DTNA: variants seen among roughly 807,000 people sequenced by gnomAD.
DTNA encodes dystrobrevin alpha.
In DTNA, 43 loss-of-function variants were observed where a neutral mutation model predicts 100.7. That is an observed-to-expected ratio of 0.43 (90% CI 0.33 to 0.55). The LOEUF (loss-of-function observed/expected upper bound fraction) is 0.55, where lower values mean the gene tolerates loss of function less well. Ranked by LOEUF, DTNA falls within the 20% of genes least tolerant of loss-of-function variation. The pLI, the probability that DTNA is intolerant of heterozygous loss-of-function variation, is 0.04. For synonymous variants in DTNA, 349 were observed against 347.9 expected, an observed-to-expected ratio of 1.00 and a Z score of -0.04; for missense variants, 798 against 953.9, an observed-to-expected ratio of 0.84 and a Z score of 2.15.
chr18:34,739,484 A>G (rs2090228951), intron 1 of DTNA, among the ~76,000 whole-genome samples: 1 of 152,204 alleles, frequency 6.6e-6, no homozygotes, highest in African/African-American at 2.4e-5. Context: ...AAACATTTCC[A>G]GACAGATGTG....
Position 34,866,989 on chromosome 18 carries a change from A to AC in DTNA, c.1743+2927_1743+2928insC. On this transcript the variant is annotated intron_variant, in intron 17 of 22. Transcript: ENST00000444659. ...GGGGGAGCAGCAAACTCAAAAAAAA[A>AC]AACAAATTAAATTAAATTAAATTAA... The AC allele has an allele frequency of 3.3e-6, 4 of 1,211,866 alleles. No homozygotes were observed. In the East Asian group the frequency reaches 1.3e-4, roughly 40 times the overall value. The allele number at this position is 1,211,866 out of a possible 1,614,324, so 75.1% of individuals were successfully genotyped here.
intron 21 of DTNA, 135 bp downstream of exon 21, chr18:34,882,336 T>A: frequency 1.7e-6 from 2 of 1,205,748 alleles, no homozygotes; most frequent in East Asian, 5.1e-5. Flanking sequence ...ATTTCACTCC[T>A]TAATCCGTGT....
At chr18:34,791,086 G>A (rs1026962357) in intron 3 of DTNA, among the ~76,000 whole-genome samples, 7 of 152,144 alleles carry the variant, frequency 4.6e-5, no homozygotes, top group Non-Finnish European at 2.9e-5. Context: ...GCATGCCTAT[G>A]TGGGAACCCT....
At chr18:34,872,111 C>T (rs1407202910) in intron 17 of DTNA, among the ~76,000 whole-genome samples, 1 of 152,124 alleles carries the variant, frequency 6.6e-6, no homozygotes, top group East Asian at 1.9e-4. Context: ...ATTGCAGAAC[C>T]ACTAATGGGA....
chr18:34,637,348 T>G (rs1033004855), intron 1 of DTNA, among the ~76,000 whole-genome samples: 1 of 152,180 alleles, frequency 6.6e-6, no homozygotes, highest in African/African-American at 2.4e-5. Flanking sequence ...TTCAGAAGTG[T>G]AAAGCCACTG....
intron 3 of DTNA, among the ~76,000 whole-genome samples, chr18:34,790,910 G>C (rs373540356): frequency 6.6e-6 from 1 of 152,126 alleles, no homozygotes; most frequent in African/African-American, 2.4e-5. Flanking sequence ...CAGTCCATAG[G>C]ACTAGGTCAT....
At chr18:34,495,767 T>G (rs908568866) in intron 1 of DTNA, among the ~76,000 whole-genome samples, 1 of 152,212 alleles carries the variant, frequency 6.6e-6, no homozygotes, top group African/African-American at 2.4e-5. Flanking sequence ...AGTTCTAAGT[T>G]GAAATACTTT....
chr18:34,812,160 T>A (rs2095498087), intron 6 of DTNA, 47 bp downstream of exon 6: 1 of 1,612,228 alleles, frequency 6.2e-7, no homozygotes, highest in Admixed American at 1.7e-5. Context: ...AAACAGTGGT[T>A]GCTCTCCTTC....
chr18:34,845,721 GA>G (rs1349186033), intron 13 of DTNA, among the ~76,000 whole-genome samples: 2 of 152,136 alleles, frequency 1.3e-5, no homozygotes, highest in Non-Finnish European at 2.9e-5. Flanking sequence ...CTGTAATAAA[GA>G]ATTTAGTTAT....
Position 34,671,946 on chromosome 18 carries a change from T to A in DTNA, c.-1-84030T>A, listed in dbSNP as rs148972209. ...ATTTCAATACACTCTATGGTATACC[T>A]GCTTGTAGGTAACTACAAATATGGC... On this transcript the variant is annotated intron_variant, in intron 1 of 19. Transcript: ENST00000283365. 1.2e-3 allele frequency among the ~76,000 whole-genome samples: 179 copies of A among 152,326 alleles called. 2 individuals are homozygous for A. In the East Asian group the frequency reaches 0.027, roughly 23 times the overall value.
At chr18:34,504,277 C>T (rs918925544) in intron 1 of DTNA, 2 of 152,022 alleles carry the variant, frequency 1.3e-5, no homozygotes, top group East Asian at 1.9e-4. Context: ...GTATAGAAAC[C>T]GTACCTCCCT....
At chr18:34,878,789 C>T (rs2096843565) in intron 19 of DTNA, among the ~76,000 whole-genome samples, 1 of 151,942 alleles carries the variant, frequency 6.6e-6, no homozygotes, top group East Asian at 1.9e-4. Context: ...AATATCTTAC[C>T]AGTCACTAAT....
intron 5 of DTNA, among the ~76,000 whole-genome samples, chr18:34,808,828 GTAAAC>G (rs2095424654): frequency 1.3e-5 from 2 of 152,118 alleles, no homozygotes; most frequent in African/African-American, 4.8e-5. Context: ...CCCCTTGGAG[GTAAAC>G]TAAGTTTTCT....
chr18:34,646,317 A>G (rs943753379), intron 1 of DTNA, among the ~76,000 whole-genome samples: 1 of 152,238 alleles, frequency 6.6e-6, no homozygotes, highest in Non-Finnish European at 1.5e-5. Flanking sequence ...AGATGTAAGC[A>G]TTTTAACTTG....
At chr18:34,628,141 A>G (rs1018356810) in intron 1 of DTNA, among the ~76,000 whole-genome samples, 2 of 151,928 alleles carry the variant, frequency 1.3e-5, no homozygotes, top group Admixed American at 6.5e-5. Context: ...CAAGTTATCT[A>G]CAATAGCTAT....
intron 21 of DTNA, among the ~76,000 whole-genome samples, chr18:34,884,164 TAG>T (rs1311374120): frequency 2.0e-5 from 3 of 152,204 alleles, no homozygotes; most frequent in African/African-American, 7.2e-5. Flanking sequence ...TTCATGCTAT[TAG>T]AAGCGTCTAT....
chr18:34,660,588 T>G (rs145599051), intron 1 of DTNA, among the ~76,000 whole-genome samples: 1 of 152,122 alleles, frequency 6.6e-6, no homozygotes, highest in Non-Finnish European at 1.5e-5. Context: ...GAGAATCGAC[T>G]AAGAGTCTGG....
chr18:34,668,860 T>C (rs1447345799), intron 1 of DTNA, among the ~76,000 whole-genome samples: 2 of 152,164 alleles, frequency 1.3e-5, no homozygotes, highest in Non-Finnish European at 2.9e-5. Flanking sequence ...GTGGTCAATT[T>C]TGGAATAGGT....
intron 13 of DTNA, 49 bp from the exon 14 acceptor site, chr18:34,848,247 A>G (rs1466731380): frequency 6.3e-7 from 1 of 1,578,526 alleles, no homozygotes; most frequent in East Asian, 2.2e-5. Context: ...TGACTGCAGC[A>G]ATCTTTCTCA....
Sources: allele counts gnomAD v4.1 joint callset (sites outside exome capture counted in the v4.1 genomes callset), GRCh38; gene constraint gnomAD v4.1.1; transcripts MANE v1.5; gene names NCBI Gene and HGNC (gene_info 2026-07-23, HGNC 2026-07-21).